Variants in PACS2 observed in about 807,000 individuals in gnomAD.
PACS2 encodes the protein PACS1-like protein.
In PACS2, 36 loss-of-function variants were observed where a neutral mutation model predicts 113.0. The observed-to-expected ratio is 0.32, with a 90% CI of 0.24 to 0.42. PACS2 has a LOEUF of 0.42. PACS2 is among the 10% of genes least tolerant of loss of function. The pLI is 1.00. For synonymous variants in PACS2, 589 were observed against 536.1 expected, an observed-to-expected ratio of 1.10 and a Z score of -1.36; for missense variants, 1,015 against 1,239.5, an observed-to-expected ratio of 0.82 and a Z score of 2.72.
chr14:105,377,060 C>A, intron 9 of PACS2, 135 bp downstream of exon 9: 1 of 934,714 alleles, frequency 1.1e-6, no homozygotes, highest in Non-Finnish European at 1.6e-6. Context: ...CCTGGGAAGG[C>A]TCTGGTGGCT....
chr14:105,349,699 C>T (rs781783468), intron 2 of PACS2, among the ~76,000 whole-genome samples: 6 of 152,268 alleles, frequency 3.9e-5, no homozygotes, highest in African/African-American at 1.2e-4. Flanking sequence ...CCCTTTTCCT[C>T]GCTGAACATG....
intron 22 of PACS2, 94 bp from the exon 23 acceptor site, chr14:105,392,525 T>C (rs2081395518): frequency 8.8e-7 from 1 of 1,136,186 alleles, no homozygotes; most frequent in Admixed American, 2.1e-5. Flanking sequence ...GCACAGGTGC[T>C]GGCTGTCACC....
chr14:105,348,560 G>T lies in PACS2; in HGVS notation c.187G>T (p.Val63Leu), dbSNP rs782062538. 2 of 1,612,006 alleles carry T rather than the reference G, an allele frequency of 1.2e-6. No individual in the cohort carries two copies. Among genetic ancestry groups the T allele is most frequent in the Non-Finnish European group, 1.7e-6 (2 of 1,179,482 alleles). The part of the protein sequence containing the change: ...KELEKELISV[V>L]IAVKMQGSKR... ...GCTGGAGAAGGAGCTGATCTCCGTG[G>T]TGATCGCTGTCAAGATGCAGGTGAG... Residue 63 changes from valine to leucine, a missense_variant, in exon 2 of 25, where the codon GTG becomes TTG. Val to Leu is a conservative substitution (Grantham distance 32). Around this residue, in one of 3 missense-constraint regions of PACS2, gnomAD observed 140 missense variants for 135.1 expected, o/e 1.04. Transcript: ENST00000447393. This position sits in a 1 kb window ranked among gnomAD's most constrained non-coding sequence, Gnocchi z 6.4.
rs2141299728 is a variant in PACS2 at position 105,390,966 on chromosome 14, G to T, written c.2077-241G>T. On this transcript the variant is annotated intron_variant, in intron 20 of 24. Transcript: ENST00000447393. ...GCAGCTGCCCTGAGGGCCGACTTTA[G>T]AGAGAGCAGTCCCTCCTGCTGAGGC... The T allele has an allele frequency of 5.2e-6, 3 of 577,984 alleles. No homozygotes were observed. In the South Asian group the frequency reaches 6.2e-5, roughly 12 times the overall value. 35.8% of individuals were successfully genotyped at this position (577,984 alleles called of 1,614,324 possible).
chr14:105,363,187 G>T (rs1417356266), intron 4 of PACS2, among the ~76,000 whole-genome samples: 1 of 152,164 alleles, frequency 6.6e-6, no homozygotes, highest in African/African-American at 2.4e-5. Context: ...ATGAGCACTG[G>T]CTTCAACTTA....
intron 1 of PACS2, among the ~76,000 whole-genome samples, chr14:105,334,300 C>T (rs2059418402): frequency 6.6e-6 from 1 of 152,258 alleles, no homozygotes; most frequent in African/African-American, 2.4e-5. Context: ...CCCCACCTGA[C>T]TCCAGGGCAG....
intron 24 of PACS2, 41 bp from the exon 25 acceptor site, chr14:105,394,513 C>A: frequency 6.2e-7 from 1 of 1,605,464 alleles, no homozygotes; most frequent in Non-Finnish European, 8.5e-7. Context: ...GGTGGGCAGG[C>A]CGGGCAGGGG....
At chr14:105,336,814 C>T (rs902415879) in intron 1 of PACS2, among the ~76,000 whole-genome samples, 2 of 152,172 alleles carry the variant, frequency 1.3e-5, no homozygotes, top group South Asian at 2.1e-4. Flanking sequence ...GGGAACAGGA[C>T]GGCAGCCCCT....
At chr14:105,381,753 C>T (rs587726871) in intron 12 of PACS2, among the ~76,000 whole-genome samples, 161 bp from the exon 13 acceptor site, 1 of 152,334 alleles carries the variant, frequency 6.6e-6, no homozygotes, top group East Asian at 1.9e-4. Context: ...GGCTGGTGAC[C>T]TCTCTGTGCA....
intron 6 of PACS2, 60 bp from the exon 7 acceptor site, chr14:105,368,399 A>T: frequency 1.5e-6 from 2 of 1,323,970 alleles, no homozygotes; most frequent in Non-Finnish European, 2.2e-6. Context: ...TGAGGCTGGC[A>T]GGGTCCTGCC....
rs1555413458 is a variant in PACS2, at chr14:105,385,728, G to A, written c.2033+11G>A. The stretch of plus-strand genomic sequence containing the variant: ...TGACTTTACCCTAAGGTACGGCTCT[G>A]TGGGTCTGCCTCCCACCCTGTCTGT... On this transcript the variant is annotated intron_variant, in intron 19 of 24. Coordinates refer to ENST00000447393, the MANE Select transcript of PACS2 (RefSeq NM_001100913.3). 5 of 1,498,394 alleles carry A rather than the reference G, an allele frequency of 3.3e-6. No individual in the cohort carries two copies. In the East Asian group the frequency reaches 1.3e-4, roughly 38 times the overall value. The allele number at this position is 1,498,394 out of a possible 1,614,324, so 92.8% of individuals were successfully genotyped here. A position where few individuals can be genotyped will look rare whatever the true frequency, so the allele number is the denominator to read the frequency against.
intron 9 of PACS2, among the ~76,000 whole-genome samples, chr14:105,377,927 C>T (rs1566956868): frequency 1.3e-5 from 2 of 152,202 alleles, no homozygotes. Context: ...GCAGGCCCAG[C>T]GTGGTGGTTG....
At chr14:105,309,974 C>T (rs587757064), upstream of PACS2, among the ~76,000 whole-genome samples, 2 of 151,384 alleles carry the variant, frequency 1.3e-5, no homozygotes, top group African/African-American at 2.4e-5. The surrounding 1 kb of genome is among the most constrained non-coding windows in gnomAD (Gnocchi z 4.0). Context: ...TTAGTAGAGA[C>T]GGGGTTTCAG....
Position 105,342,230 on chromosome 14 carries a change from C to CTGTGTGTG in PACS2, c.120-6229_120-6222dup, listed in dbSNP as rs373390359. ...TCCACAGCAGGATCCAAGCTGCTGC[C>CTGTGTGTG]TGTGTGTGTGTGTGTGTGTGTGTGT... On this transcript the variant is annotated intron_variant, in intron 1 of 24. Coordinates refer to ENST00000447393, the MANE Select transcript of PACS2 (RefSeq NM_001100913.3). 2.0e-3 allele frequency among the ~76,000 whole-genome samples: 278 copies of CTGTGTGTG among 140,336 alleles called. 1 individual carries two copies. Among genetic ancestry groups the CTGTGTGTG allele is most frequent in the African/African-American group, 4.1e-3 (157 of 38,086 alleles). 92.1% of individuals were successfully genotyped at this position (140,336 alleles called of 152,430 possible).
rs587611484 is a variant in PACS2, at chr14:105,369,749, G to A, written c.742-92G>A. Reference sequence around the variant, plus strand: ...GAGGCCTTGCTGCTCTCCCACGGCGGGCCTGGGTGCGGCCTGGGCCTGAGG... The same window carrying A: ...GAGGCCTTGCTGCTCTCCCACGGCGAGCCTGGGTGCGGCCTGGGCCTGAGG... On this transcript the variant is annotated intron_variant, in intron 7 of 24. Transcript: ENST00000447393. The A allele has an allele frequency of 5.1e-4, 565 of 1,116,532 alleles. 2 individuals carry two copies. The highest frequency in any genetic ancestry group is 2.3e-3 in the Admixed American group (111 of 48,886). 69.2% of individuals were successfully genotyped at this position (1,116,532 alleles called of 1,614,324 possible).
In PACS2 at chr14:105,397,191, CCT is replaced by C. The variant is rs1277895904; in HGVS notation, c.*2522_*2523del. On this transcript the variant is annotated 3_prime_UTR_variant, in exon 25 of 25. Transcript: ENST00000447393. ...CAGACAAGACCTGGGCCATGCCAGC[CCT>C]CTGTGCCTCGGTTTTCCCACTGGTT... The C allele has an allele frequency of 6.6e-6, 1 of 152,482 alleles. No individual in the cohort carries two copies. Among genetic ancestry groups the C allele is most frequent in the East Asian group, 1.9e-4 (1 of 5,202 alleles). 9.4% of individuals were successfully genotyped at this position (152,482 alleles called of 1,614,324 possible).
At chr14:105,359,198 A>G (rs1245891032) in intron 4 of PACS2, among the ~76,000 whole-genome samples, 2 of 151,556 alleles carry the variant, frequency 1.3e-5, no homozygotes, top group Non-Finnish European at 2.9e-5. Flanking sequence ...TCACTCACCC[A>G]CCAGCTTGTC....
At chr14:105,337,073 C>A (rs2140941164) in intron 1 of PACS2, among the ~76,000 whole-genome samples, 1 of 152,366 alleles carries the variant, frequency 6.6e-6, no homozygotes, top group Non-Finnish European at 1.5e-5. Context: ...CGTGGCCCTC[C>A]ACACTGTGGA....
At chr14:105,321,312 A>C (rs2140841534) in intron 1 of PACS2, among the ~76,000 whole-genome samples, 1 of 149,234 alleles carries the variant, frequency 6.7e-6, no homozygotes, top group East Asian at 1.9e-4. Flanking sequence ...AAATCTTATA[A>C]TCTGAGAATA....
Sources: allele counts gnomAD v4.1 joint callset (sites outside exome capture counted in the v4.1 genomes callset), GRCh38; gene constraint gnomAD v4.1.1; regional missense constraint gnomAD v4.1.1; non-coding constraint Gnocchi (gnomAD v3.1); transcripts MANE v1.5; gene names NCBI Gene and HGNC (gene_info 2026-07-23, HGNC 2026-07-21).